ARFGAP3: variants seen among roughly 807,000 people sequenced by gnomAD.
ARFGAP3 encodes the protein ARF GTPase activating protein 3, also known as ADP-ribosylation factor GTPase-activating protein 3.
ARFGAP3 carries 72 observed loss-of-function variants against 75.0 expected under a neutral mutation model. The observed-to-expected ratio is 0.96, with a 90% confidence interval of 0.79 to 1.17. The LOEUF (loss-of-function observed/expected upper bound fraction) is 1.17, where lower values mean the gene tolerates loss of function less well. Ranked by LOEUF, ARFGAP3 falls within the 50% of genes most tolerant of loss-of-function variation. ARFGAP3 has a pLI of 0.00. For missense variants in ARFGAP3, 620 were observed against 626.6 expected (o/e 0.99, Z 0.11); for synonymous variants, 221 against 217.9 (o/e 1.01, Z -0.13).
chr22:42,817,608 G>C, intron 10 of ARFGAP3, 121 bp downstream of exon 10: 1 of 872,174 alleles, frequency 1.1e-6, no homozygotes, highest in Non-Finnish European at 1.7e-6. Flanking sequence ...AAAATAATTA[G>C]AGAAGTTAAT....
chr22:42,826,883 T>A, intron 7 of ARFGAP3, 57 bp downstream of exon 7: 1 of 1,513,050 alleles, frequency 6.6e-7, no homozygotes, highest in Non-Finnish European at 9.0e-7. Flanking sequence ...GAGGATTTAT[T>A]TTTTTCTTAA....
At chr22:42,836,094 C>A (rs1265837523) in intron 3 of ARFGAP3, among the ~76,000 whole-genome samples, 2 of 151,414 alleles carry the variant, frequency 1.3e-5, no homozygotes, top group African/African-American at 4.9e-5. Flanking sequence ...GTGATCCCAC[C>A]ACCTCAGCCT....
At chr22:42,804,376 A>ATTTTTTTTTTTTTTTTTTTTTTTTTT (rs1169858932) in intron 14 of ARFGAP3, among the ~76,000 whole-genome samples, 1 of 74,478 alleles carries the variant, frequency 1.3e-5, no homozygotes. Flanking sequence ...CACCCAGCTA[A>ATTTTTTTTTTTTTTTTTTTTTTTTTT]TTTTTTTTTT....
intron 9 of ARFGAP3, among the ~76,000 whole-genome samples, chr22:42,820,967 C>T (rs1555897375): frequency 6.6e-6 from 1 of 152,182 alleles, no homozygotes; most frequent in Non-Finnish European, 1.5e-5. Context: ...GCTGAAGGAG[C>T]TGTTTCTCTT....
At chr22:42,824,788 CCAGA>C (rs376040885) in intron 7 of ARFGAP3, among the ~76,000 whole-genome samples, 125 of 152,238 alleles carry the variant, frequency 8.2e-4, no homozygotes, top group Middle Eastern at 6.8e-3. Context: ...ATCCCATCAC[CCAGA>C]CAGTGAGCAC....
At chr22:42,855,589 G>A (rs1352205856) in intron 1 of ARFGAP3, among the ~76,000 whole-genome samples, 1 of 151,962 alleles carries the variant, frequency 6.6e-6, no homozygotes, top group East Asian at 1.9e-4. Flanking sequence ...AGGAGGCTGA[G>A]GCAGAATTGC....
chr22:42,806,938 C>T (rs1358354297), intron 14 of ARFGAP3, 135 bp downstream of exon 14: 3 of 887,356 alleles, frequency 3.4e-6, no homozygotes, highest in Non-Finnish European at 4.9e-6. Context: ...TTCTGCTCTA[C>T]CTGACTTATA....
chr22:42,845,458 G>A (rs996656523), intron 2 of ARFGAP3, among the ~76,000 whole-genome samples: 4 of 149,660 alleles, frequency 2.7e-5, no homozygotes, highest in South Asian at 2.1e-4. Flanking sequence ...TCTGGGAGGC[G>A]GAAGTTGAGG....
At position 42,797,523 on chromosome 22, in the gene ARFGAP3, G is replaced by A. The variant is rs112649295; in HGVS notation, c.*65C>T. On this transcript the variant is annotated 3_prime_UTR_variant, in exon 16 of 16. Transcript: ENST00000263245. ...AACTATCTGGACTTCACTGCCGCCTGAGATGTGGTTACTTGTTCATTTAAA... is the reference window on the plus strand; with the variant it reads ...AACTATCTGGACTTCACTGCCGCCTAAGATGTGGTTACTTGTTCATTTAAA... The A allele has an allele frequency of 3.3e-5, 53 of 1,603,108 alleles. 2 individuals carry two copies. The African/African-American group carries it at 4.0e-4, about 12-fold the overall frequency.
chr22:42,823,076 C>T (rs1411625607), intron 8 of ARFGAP3, among the ~76,000 whole-genome samples: 2 of 152,104 alleles, frequency 1.3e-5, no homozygotes, highest in Non-Finnish European at 2.9e-5. Context: ...TCCCAAAGTG[C>T]TGGGATTACA....
At chr22:42,830,575 T>C (rs1430447345) in intron 6 of ARFGAP3, among the ~76,000 whole-genome samples, 1 of 152,208 alleles carries the variant, frequency 6.6e-6, no homozygotes, top group East Asian at 1.9e-4. Context: ...ATTTTTGTTG[T>C]TAATTTACAC....
rs535299096 is a variant in ARFGAP3 at position 42,810,602 on chromosome 22, A to G, written c.1196+211T>C. On this transcript the variant is annotated intron_variant, in intron 12 of 15. Transcript: ENST00000263245. ...GGGGACTTACTCTGTTGACCAGGCT[A>G]GAGTACACTGGCGTGATCATAGCTC... is the stretch of plus-strand genomic sequence containing the variant. Among the ~76,000 whole-genome samples the G allele has an allele frequency of 2.6e-5, 4 of 152,362 alleles. No homozygotes were observed. In the East Asian group the frequency reaches 7.7e-4, roughly 29 times the overall value.
intron 5 of ARFGAP3, among the ~76,000 whole-genome samples, chr22:42,832,936 G>C (rs1224892762): frequency 3.3e-5 from 5 of 151,560 alleles, no homozygotes; most frequent in African/African-American, 1.2e-4. Context: ...AGTGAGCCGA[G>C]ATCGCGCCAT....
At chr22:42,840,725 G>A (rs1926744385) in intron 3 of ARFGAP3, among the ~76,000 whole-genome samples, 1 of 151,992 alleles carries the variant, frequency 6.6e-6, no homozygotes, top group Non-Finnish European at 1.5e-5. Context: ...CACCACACCT[G>A]ACTTGTTTGT....
intron 1 of ARFGAP3, among the ~76,000 whole-genome samples, chr22:42,850,571 C>CA (rs57841993): frequency 0.49 from 28,283 of 57,586 alleles, 9,228 homozygotes; most frequent in Non-Finnish European, 0.61. Flanking sequence ...ACCCTGCTAT[C>CA]AAAAAAAAAA....
chr22:42,816,480 C>T (rs1011119202), intron 11 of ARFGAP3, among the ~76,000 whole-genome samples: 3 of 152,202 alleles, frequency 2.0e-5, no homozygotes, highest in African/African-American at 7.2e-5. Flanking sequence ...TTTTAGCAGA[C>T]CTCTCACTGG....
At chr22:42,850,778 G>T (rs1425515152) in intron 1 of ARFGAP3, among the ~76,000 whole-genome samples, 7 of 152,070 alleles carry the variant, frequency 4.6e-5, no homozygotes, top group Non-Finnish European at 1.0e-4. Context: ...GAATAATCGG[G>T]GTGGAGTGAC....
At chr22:42,829,357 A>T (rs1025561719) in intron 6 of ARFGAP3, among the ~76,000 whole-genome samples, 1 of 152,198 alleles carries the variant, frequency 6.6e-6, no homozygotes, top group African/African-American at 2.4e-5. Flanking sequence ...CAAAGAGGCA[A>T]CCCATGCCAA....
intron 1 of ARFGAP3, among the ~76,000 whole-genome samples, chr22:42,854,291 G>A (rs1461295004): frequency 1.3e-5 from 2 of 152,120 alleles, no homozygotes; most frequent in East Asian, 1.9e-4. Flanking sequence ...ATAAAAGTAA[G>A]GAATGGTATA....
Sources: allele counts gnomAD v4.1 joint callset (sites outside exome capture counted in the v4.1 genomes callset), GRCh38; gene constraint gnomAD v4.1.1; transcripts MANE v1.5; gene names NCBI Gene and HGNC (gene_info 2026-07-23, HGNC 2026-07-21).